Variants in DSE observed in about 807,000 individuals in gnomAD.
DSE encodes dermatan sulfate epimerase.
A neutral mutation model predicts 84.4 loss-of-function variants in DSE; 36 were observed. The observed-to-expected ratio is 0.43, with a 90% CI of 0.33 to 0.56. The LOEUF is 0.56. DSE is among the 20% of genes least tolerant of loss of function. The pLI is 0.06. For missense variants in DSE, 862 were observed against 1,169.6 expected (o/e 0.74, Z 3.84); for synonymous variants, 410 against 430.1 (o/e 0.95, Z 0.58).
At chr6:116,294,110 A>G (rs1774495417) in intron 2 of DSE, among the ~76,000 whole-genome samples, 1 of 152,010 alleles carries the variant, frequency 6.6e-6, no homozygotes, top group Non-Finnish European at 1.5e-5. Flanking sequence ...TGCAGCCTCG[A>G]CCTCCTGGGC....
chr6:116,354,968 A>T (rs937414999), intron 2 of DSE, among the ~76,000 whole-genome samples: 2 of 152,204 alleles, frequency 1.3e-5, no homozygotes, highest in Non-Finnish European at 2.9e-5. Context: ...TGTCAATTTC[A>T]CTGTACTCAT....
intron 2 of DSE, among the ~76,000 whole-genome samples, chr6:116,352,341 G>A (rs1295207432): frequency 6.6e-6 from 1 of 152,172 alleles, no homozygotes; most frequent in Non-Finnish European, 1.5e-5. Flanking sequence ...CAACTAAAAT[G>A]GCTGGTCAGA....
chr6:116,281,486 T>C (rs1384725233), intron 2 of DSE, among the ~76,000 whole-genome samples: 1 of 152,236 alleles, frequency 6.6e-6, no homozygotes, highest in Non-Finnish European at 1.5e-5. Context: ...AGCAGCCCCT[T>C]CTACCTTGCT....
In DSE at chr6:116,436,799, G is replaced by A; in HGVS notation, c.2331G>A (p.Leu777=). ...TASFRKTAER[L]LRFSDKRQTE... ...GCTTTAGGAAGACTGCTGAACGCCT[G>A]CTGAGATTTTCAGATAAGAGACAGA... The change falls in exon 6 of 6, where the codon CTG becomes CTA. Residue 777 remains leucine, a synonymous_variant. Coordinates refer to ENST00000644252, the MANE Select transcript of DSE (RefSeq NM_013352.4). 1 of 1,614,144 alleles carries A rather than the reference G, an allele frequency of 6.2e-7. No homozygotes were observed. The highest frequency in any genetic ancestry group is 8.5e-7 in the Non-Finnish European group (1 of 1,180,004).
At chr6:116,313,571 A>G (rs1177159014) in intron 2 of DSE, among the ~76,000 whole-genome samples, 1 of 152,232 alleles carries the variant, frequency 6.6e-6, no homozygotes, top group Non-Finnish European at 1.5e-5. Flanking sequence ...TTTATAAATT[A>G]ATTGCAAGCA....
chr6:116,370,051 C>A (rs1779417593), upstream of DSE: 1 of 944,500 alleles, frequency 1.1e-6, no homozygotes. Flanking sequence ...TACCTCACAT[C>A]TCCTTGGGGC....
At chr6:116,423,781 G>A (rs1390687018) in intron 2 of DSE, among the ~76,000 whole-genome samples, 2 of 152,162 alleles carry the variant, frequency 1.3e-5, no homozygotes, top group Non-Finnish European at 2.9e-5. Flanking sequence ...GGGTAAGATC[G>A]TGTTGGTGAA....
At chr6:116,417,777 G>A (rs1024197762) in intron 2 of DSE, among the ~76,000 whole-genome samples, 16 of 152,122 alleles carry the variant, frequency 1.1e-4, no homozygotes, top group African/African-American at 3.9e-4. Flanking sequence ...TTTCCAGAAA[G>A]GGCAAGTAGT....
chr6:116,403,607 G>C (rs1299001561), intron 2 of DSE, among the ~76,000 whole-genome samples: 1 of 152,124 alleles, frequency 6.6e-6, no homozygotes, highest in Non-Finnish European at 1.5e-5. Flanking sequence ...TTGCTAAAAG[G>C]CATCTAAAAC....
At chr6:116,283,668 C>T (rs753720882) in intron 2 of DSE, among the ~76,000 whole-genome samples, 3 of 152,018 alleles carry the variant, frequency 2.0e-5, no homozygotes, top group South Asian at 2.1e-4. Context: ...CTCAGCCTCC[C>T]GTGTAGCTGG....
Position 116,407,910 on chromosome 6 carries a change from T to C in DSE, c.416+8244T>C, listed in dbSNP as rs572198653. ...TCTTCCCAGTGGTCCAGTTGGACCA[T>C]GTGGCACTGGTATTTTCAACTCTGC... On this transcript the variant is annotated intron_variant, in intron 2 of 5. Coordinates refer to ENST00000644252, the MANE Select transcript of DSE (RefSeq NM_013352.4). Among the ~76,000 whole-genome samples the C allele has an allele frequency of 3.9e-5, 6 of 152,374 alleles. No homozygotes were observed. In the East Asian group the frequency reaches 1.2e-3, roughly 29 times the overall value.
chr6:116,415,237 A>T (rs548675316), intron 2 of DSE, among the ~76,000 whole-genome samples: 3 of 152,248 alleles, frequency 2.0e-5, no homozygotes, highest in African/African-American at 7.2e-5. Context: ...ATAGTCTGGA[A>T]ATTGTCTCTC....
At chr6:116,279,123 C>A in intron 2 of DSE, 1 of 1,614,134 alleles carries the variant, frequency 6.2e-7, no homozygotes, top group Middle Eastern at 1.6e-4. Flanking sequence ...CCAGTTCCAG[C>A]TGGATGGCCT....
chr6:116,417,486 C>T (rs1193687210), intron 2 of DSE, among the ~76,000 whole-genome samples: 1 of 152,030 alleles, frequency 6.6e-6, no homozygotes, highest in Non-Finnish European at 1.5e-5. Context: ...TCTGCTTTGG[C>T]ATAATTGACT....
At position 116,417,318 on chromosome 6, in the gene DSE, A is replaced by G. The variant is rs539166975; in HGVS notation, c.417-9256A>G. Among the ~76,000 whole-genome samples the G allele has an allele frequency of 8.5e-5, 13 of 152,332 alleles. No homozygotes were observed. The South Asian group carries it at 2.7e-3, about 32-fold the overall frequency. On this transcript the variant is annotated intron_variant, in intron 2 of 5. Transcript: ENST00000644252. Reference sequence around the variant, plus strand: ...TAATAACACTTCATGTCATGGAAGTAAACATTGAGATAATGACATGGAAAT... The same window carrying G: ...TAATAACACTTCATGTCATGGAAGTGAACATTGAGATAATGACATGGAAAT...
chr6:116,391,863 G>T (rs371619108), intron 1 of DSE, among the ~76,000 whole-genome samples: 2 of 151,698 alleles, frequency 1.3e-5, no homozygotes, highest in Admixed American at 6.6e-5. Context: ...TTTAGGGAAC[G>T]ATTCTGCAGT....
chr6:116,388,761 TG>T (rs1780715902), intron 1 of DSE, among the ~76,000 whole-genome samples: 2 of 152,194 alleles, frequency 1.3e-5, no homozygotes, highest in Admixed American at 1.3e-4. Flanking sequence ...TGTGTAAGCA[TG>T]TTTTTATTAG....
At chr6:116,390,884 A>G (rs1467555962) in intron 1 of DSE, among the ~76,000 whole-genome samples, 1 of 152,166 alleles carries the variant, frequency 6.6e-6, no homozygotes, top group East Asian at 1.9e-4. Context: ...TTTTTTCTAC[A>G]TATGAAATGA....
At chr6:116,351,964 C>T (rs561875037) in intron 2 of DSE, among the ~76,000 whole-genome samples, 30 of 152,254 alleles carry the variant, frequency 2.0e-4, no homozygotes, top group African/African-American at 6.7e-4. Flanking sequence ...GTTCTTCTAT[C>T]CCACAGTGGT....
Sources: allele counts gnomAD v4.1 joint callset (sites outside exome capture counted in the v4.1 genomes callset), GRCh38; gene constraint gnomAD v4.1.1; transcripts MANE v1.5; gene names NCBI Gene and HGNC (gene_info 2026-07-23, HGNC 2026-07-21).